The following CNTNAP2 variants were observed in gnomAD, a reference collection of about 807,000 sequenced individuals.
The protein encoded by CNTNAP2 is contactin associated protein 2, also known as contactin-associated protein-like 2.
Under a neutral mutation model 155.2 loss-of-function variants are expected in CNTNAP2, and 98 were observed. The ratio of observed to expected loss-of-function variants is 0.63; its 90% CI spans 0.54 to 0.75. The LOEUF (loss-of-function observed/expected upper bound fraction) is 0.75. Ranked by LOEUF, CNTNAP2 falls within the 30% of genes least tolerant of loss-of-function variation. CNTNAP2 has a pLI of 0.00. For missense variants in CNTNAP2, 1,727 were observed against 1,688.1 expected, an observed-to-expected ratio of 1.02 and a Z score of -0.40; for synonymous variants, 651 against 631.2, an observed-to-expected ratio of 1.03 and a Z score of -0.47.
At chr7:146,746,944 A>G (rs1379471511) in intron 1 of CNTNAP2, among the ~76,000 whole-genome samples, 1 of 152,106 alleles carries the variant, frequency 6.6e-6, no homozygotes, top group Non-Finnish European at 1.5e-5. Flanking sequence ...ATTTGGGGAT[A>G]TTTCTGTAGA....
chr7:148,232,515 G>T (rs1410470331), intron 20 of CNTNAP2, among the ~76,000 whole-genome samples: 1 of 152,146 alleles, frequency 6.6e-6, no homozygotes, highest in Non-Finnish European at 1.5e-5. Context: ...ATAAGCACAT[G>T]CTGCATTTTT....
At chr7:146,997,406 T>C (rs1798331788) in intron 3 of CNTNAP2, among the ~76,000 whole-genome samples, 1 of 152,156 alleles carries the variant, frequency 6.6e-6, no homozygotes, top group Non-Finnish European at 1.5e-5. Flanking sequence ...CATCCTTTCA[T>C]CTCTGAGGTA....
intron 13 of CNTNAP2, among the ~76,000 whole-genome samples, chr7:147,874,662 T>G (rs1190639928): frequency 6.6e-6 from 1 of 152,256 alleles, no homozygotes; most frequent in East Asian, 1.9e-4. Context: ...GTTGTCTTGG[T>G]GTTTAACATT....
intron 10 of CNTNAP2, among the ~76,000 whole-genome samples, chr7:147,427,801 T>C (rs1344992956): frequency 6.6e-6 from 1 of 152,154 alleles, no homozygotes; most frequent in African/African-American, 2.4e-5. Flanking sequence ...GCAATCAACC[T>C]TTATCTTTTT....
chr7:148,393,381 T>TATCA (rs1395648851), intron 22 of CNTNAP2, among the ~76,000 whole-genome samples: 2 of 152,232 alleles, frequency 1.3e-5, no homozygotes, highest in Non-Finnish European at 2.9e-5. Context: ...GAAGAAAAAC[T>TATCA]ATCATCCCTT....
intron 13 of CNTNAP2, among the ~76,000 whole-genome samples, chr7:147,727,357 C>A (rs772907795): frequency 6.6e-6 from 1 of 152,010 alleles, no homozygotes; most frequent in Non-Finnish European, 1.5e-5. Flanking sequence ...GAGATTCTAA[C>A]CTGCTTTCTC....
In CNTNAP2 at chr7:147,669,909, T is replaced by G. The variant is rs556281501; in HGVS notation, c.2098+30603T>G. Among the ~76,000 whole-genome samples, 3 of 152,314 alleles carry G rather than the reference T, an allele frequency of 2.0e-5. No homozygotes were observed. The South Asian group carries it at 6.2e-4, about 32-fold the overall frequency. ...AAACATTTCACTAACACCCGTCATCTGTTTGTGAGGCAGCAGCAGGAGCAG... is the reference window on the plus strand; with the variant it reads ...AAACATTTCACTAACACCCGTCATCGGTTTGTGAGGCAGCAGCAGGAGCAG... On this transcript the variant is annotated intron_variant, in intron 13 of 23. Coordinates refer to ENST00000361727, the MANE Select transcript of CNTNAP2 (RefSeq NM_014141.6).
intron 8 of CNTNAP2, among the ~76,000 whole-genome samples, chr7:147,156,068 T>G (rs1801920356): frequency 6.6e-6 from 1 of 152,120 alleles, no homozygotes; most frequent in Non-Finnish European, 1.5e-5. Context: ...CCTCACGCCT[T>G]ACAGTCTTCC....
At chr7:146,570,438 C>A (rs1168699941) in intron 1 of CNTNAP2, among the ~76,000 whole-genome samples, 1 of 152,116 alleles carries the variant, frequency 6.6e-6, no homozygotes, top group Non-Finnish European at 1.5e-5. Context: ...CATCTGTGCT[C>A]ATTAAATATC....
At chr7:147,999,378 T>C (rs1403839751) in intron 15 of CNTNAP2, among the ~76,000 whole-genome samples, 2 of 152,232 alleles carry the variant, frequency 1.3e-5, no homozygotes, top group Non-Finnish European at 2.9e-5. Flanking sequence ...GCCCGGCCAG[T>C]AGAAATCTTT....
intron 10 of CNTNAP2, among the ~76,000 whole-genome samples, chr7:147,443,609 G>C (rs1438545976): frequency 6.6e-6 from 1 of 152,088 alleles, no homozygotes; most frequent in Non-Finnish European, 1.5e-5. Context: ...ATCGGTAGAG[G>C]CTTCTTGCTC....
Position 148,322,128 on chromosome 7 carries a change from G to A in CNTNAP2, c.3475+55002G>A, listed in dbSNP as rs544269820. Among the ~76,000 whole-genome samples the A allele has an allele frequency of 5.9e-5, 9 of 151,688 alleles. No individual in the cohort carries two copies. In the East Asian group the frequency reaches 1.4e-3, roughly 23 times the overall value. ...GTAGAAATGGAGGTTTCACCATGTC[G>A]GCCAGGCTGCTCTCGAACTCCTAAC... is the stretch of plus-strand genomic sequence containing the variant. On this transcript the variant is annotated intron_variant, in intron 21 of 23. Coordinates refer to ENST00000361727, the MANE Select transcript of CNTNAP2 (RefSeq NM_014141.6).
intron 13 of CNTNAP2, among the ~76,000 whole-genome samples, chr7:147,752,902 ACCT>A (rs751979976): frequency 1.6e-4 from 25 of 151,956 alleles, no homozygotes; most frequent in Admixed American, 2.6e-4. Flanking sequence ...AAAAAGGAAA[ACCT>A]CCTTCCAATT....
intron 3 of CNTNAP2, among the ~76,000 whole-genome samples, chr7:146,856,677 C>G (rs117747944): frequency 6.6e-6 from 1 of 152,082 alleles, no homozygotes; most frequent in South Asian, 2.1e-4. Context: ...AGATGAGAAG[C>G]AGACACTGTG....
chr7:147,311,641 A>T (rs1470194202), intron 9 of CNTNAP2, among the ~76,000 whole-genome samples: 2 of 152,172 alleles, frequency 1.3e-5, no homozygotes, highest in African/African-American at 4.8e-5. Flanking sequence ...CAAAAATGCA[A>T]TACATAAAGG....
chr7:147,208,228 T>G (rs1387283247), intron 8 of CNTNAP2, among the ~76,000 whole-genome samples: 1 of 152,102 alleles, frequency 6.6e-6, no homozygotes, highest in East Asian at 1.9e-4. Flanking sequence ...CAGGTCTCTC[T>G]CTCCTTACTA....
chr7:147,235,215 A>G (rs568927404), intron 8 of CNTNAP2, among the ~76,000 whole-genome samples: 1 of 152,194 alleles, frequency 6.6e-6, no homozygotes, highest in East Asian at 1.9e-4. Context: ...GACTCAAACT[A>G]GTATTAAACT....
At chr7:148,273,973 G>C (rs1796827647) in intron 21 of CNTNAP2, among the ~76,000 whole-genome samples, 1 of 152,140 alleles carries the variant, frequency 6.6e-6, no homozygotes. Flanking sequence ...AGAAGGAACT[G>C]ACATACTTAG....
chr7:146,372,921 A>ATGAC (rs1391911363), intron 1 of CNTNAP2, among the ~76,000 whole-genome samples: 1 of 152,222 alleles, frequency 6.6e-6, no homozygotes, highest in Non-Finnish European at 1.5e-5. Context: ...GTTCATTCAG[A>ATGAC]TGACTACCCA....
Sources: gnomAD v4.1 joint callset for allele counts (sites outside exome capture counted in the v4.1 genomes callset) on GRCh38, gnomAD v4.1.1 for gene constraint, MANE v1.5 for transcripts, NCBI Gene and HGNC (gene_info 2026-07-23, HGNC 2026-07-21) for gene names.